The following DENND1A variants were observed in gnomAD, a reference collection of about 807,000 sequenced individuals.
DENND1A encodes the protein DENN domain containing 1A.
In DENND1A, 51 loss-of-function variants were observed where a neutral mutation model predicts 113.7. That is an observed-to-expected ratio of 0.45 (90% CI 0.36 to 0.57). DENND1A has a LOEUF of 0.57. Among genes scored for constraint, DENND1A ranks in the 20% least tolerant of loss-of-function variants. The pLI is 0.00. For missense variants in DENND1A, 1,258 were observed against 1,395.9 expected, an observed-to-expected ratio of 0.90 and a Z score of 1.57; for synonymous variants, 565 against 570.8, an observed-to-expected ratio of 0.99 and a Z score of 0.14.
chr9:123,836,235 G>A (rs1031327935), intron 2 of DENND1A, among the ~76,000 whole-genome samples: 2 of 152,058 alleles, frequency 1.3e-5, no homozygotes, highest in Admixed American at 1.3e-4. Flanking sequence ...GTCTCCAAAG[G>A]TTTCACGACA....
chr9:123,587,388 C>T (rs1212964504), intron 11 of DENND1A, among the ~76,000 whole-genome samples: 1 of 152,150 alleles, frequency 6.6e-6, no homozygotes, highest in Non-Finnish European at 1.5e-5. Context: ...TATTAATCAG[C>T]AGTAACAATT....
At chr9:123,668,585 C>T (rs73580151) in intron 7 of DENND1A, among the ~76,000 whole-genome samples, 5,534 of 152,092 alleles carry the variant, frequency 0.036, 368 homozygotes, top group African/African-American at 0.13. Flanking sequence ...GAATATGGAC[C>T]AAAACTAAAT....
rs189779247 is a variant in DENND1A at position 123,445,932 on chromosome 9, G to A, written c.1356+4761C>T. Among the ~76,000 whole-genome samples the A allele has an allele frequency of 5.3e-4, 80 of 152,296 alleles. No individual in the cohort carries two copies. In the Middle Eastern group the frequency reaches 0.017, roughly 32 times the overall value. On this transcript the variant is annotated intron_variant, in intron 18 of 23. Coordinates refer to ENST00000394215, the MANE Select transcript of DENND1A (RefSeq NM_001352964.2). ...AATTATTCAGTGCCTACTAAGTGTT[G>A]CTGTCTCAACACATTATCTCTTCTA...
intron 13 of DENND1A, among the ~76,000 whole-genome samples, chr9:123,516,107 TACACAC>T (rs199923277): frequency 0.13 from 17,820 of 138,254 alleles, 1,133 homozygotes; most frequent in Admixed American, 0.16. Context: ...TACACACACA[TACACAC>T]ACACACACAC....
rs529269291 is a variant in DENND1A, at chr9:123,901,696, T to C, written c.18-22675A>G. The stretch of plus-strand genomic sequence containing the variant: ...CTTCTAATCTTCTGATGCTACATCT[T>C]GATAATTCTCACTGACACCTGGACT... On this transcript the variant is annotated intron_variant, in intron 1 of 23. Transcript: ENST00000394215. Among the ~76,000 whole-genome samples the C allele has an allele frequency of 2.6e-5, 4 of 152,310 alleles. No homozygotes were observed. In the East Asian group the frequency reaches 7.7e-4, roughly 29 times the overall value.
At chr9:123,515,747 G>C (rs1453395642) in intron 13 of DENND1A, among the ~76,000 whole-genome samples, 2 of 152,048 alleles carry the variant, frequency 1.3e-5, no homozygotes, top group Non-Finnish European at 2.9e-5. Flanking sequence ...AGCAAAAAAA[G>C]TGAGGAGTGG....
rs557712715 is a variant in DENND1A at position 123,719,214 on chromosome 9, G to A, written c.302+38489C>T. Among the ~76,000 whole-genome samples the A allele has an allele frequency of 3.9e-5, 6 of 152,260 alleles. No homozygotes were observed. In the East Asian group the frequency reaches 5.8e-4, roughly 15 times the overall value. ...AAAATAGACTAACACAGTGGTTAAC[G>A]TTATCCCAAGTTTTCGTAGCCCTGT... is the stretch of plus-strand genomic sequence containing the variant. On this transcript the variant is annotated intron_variant, in intron 5 of 23. Coordinates refer to ENST00000394215, the MANE Select transcript of DENND1A (RefSeq NM_001352964.2).
At position 123,652,131 on chromosome 9, in the gene DENND1A, AAAG is replaced by A. The variant is rs2139417843; in HGVS notation, c.508-11_508-9del. ...ATATTCTGTCAGATTTCTCTAGGAGAAAGAAGAAGGCACGGTTTGTGGCTGATT... is the reference window on the plus strand; with the variant it reads ...ATATTCTGTCAGATTTCTCTAGGAGAAAGAAGGCACGGTTTGTGGCTGATT... On this transcript the variant is annotated splice_polypyrimidine_tract_variant and intron_variant, in intron 8 of 23. Coordinates refer to ENST00000394215, the MANE Select transcript of DENND1A (RefSeq NM_001352964.2). 1 of 1,612,616 alleles carries A rather than the reference AAAG, an allele frequency of 6.2e-7. No homozygotes were observed. Among genetic ancestry groups the A allele is most frequent in the Non-Finnish European group, 8.5e-7 (1 of 1,178,678 alleles).
intron 9 of DENND1A, among the ~76,000 whole-genome samples, chr9:123,634,259 T>C (rs2061605911): frequency 6.6e-6 from 1 of 152,226 alleles, no homozygotes; most frequent in Non-Finnish European, 1.5e-5. Context: ...TGTTTGCTCA[T>C]TTCATTAGTG....
intron 2 of DENND1A, among the ~76,000 whole-genome samples, chr9:123,852,307 G>C (rs1196163152): frequency 6.6e-6 from 1 of 152,112 alleles, no homozygotes. Flanking sequence ...CTGATGTAAG[G>C]ATGGCACTTT....
intron 8 of DENND1A, among the ~76,000 whole-genome samples, chr9:123,656,590 T>C (rs868723552): frequency 1.3e-5 from 2 of 152,314 alleles, no homozygotes; most frequent in Middle Eastern, 3.4e-3. Context: ...CTATGCACCA[T>C]ACTAGTCTAC....
intron 19 of DENND1A, among the ~76,000 whole-genome samples, chr9:123,418,778 G>A (rs2044969107): frequency 6.6e-6 from 1 of 152,256 alleles, no homozygotes; most frequent in African/African-American, 2.4e-5. Flanking sequence ...TCACAGATGA[G>A]GGCAAGCAAG....
chr9:123,694,991 G>A (rs1036265979), intron 5 of DENND1A, among the ~76,000 whole-genome samples: 9 of 152,164 alleles, frequency 5.9e-5, no homozygotes, highest in Admixed American at 5.9e-4. Context: ...TAAGCTGCCA[G>A]TGAATATAAA....
intron 2 of DENND1A, among the ~76,000 whole-genome samples, chr9:123,837,252 T>C (rs1369389644): frequency 6.6e-6 from 1 of 152,184 alleles, no homozygotes; most frequent in Non-Finnish European, 1.5e-5. Context: ...ATCCCACCAT[T>C]CCACTACATT....
chr9:123,709,774 A>G (rs1024480070), intron 5 of DENND1A, among the ~76,000 whole-genome samples: 7 of 152,220 alleles, frequency 4.6e-5, no homozygotes, highest in Non-Finnish European at 1.0e-4. Context: ...GCTGCAAAAT[A>G]TATGACAGTT....
intron 1 of DENND1A, among the ~76,000 whole-genome samples, chr9:123,913,119 A>AC (rs1588215109): frequency 6.6e-6 from 1 of 150,790 alleles, no homozygotes; most frequent in Admixed American, 6.6e-5. Context: ...AGTTTAAAAA[A>AC]AAAAAAAAAA....
intron 12 of DENND1A, among the ~76,000 whole-genome samples, chr9:123,562,657 T>G (rs752606500): frequency 4.6e-5 from 7 of 152,198 alleles, no homozygotes; most frequent in African/African-American, 7.2e-5. Context: ...ATTGTTTTGA[T>G]TATCCTTTAT....
chr9:123,914,411 A>C (rs576952345), intron 1 of DENND1A, among the ~76,000 whole-genome samples: 1 of 151,578 alleles, frequency 6.6e-6, no homozygotes, highest in African/African-American at 2.4e-5. Flanking sequence ...CATGGTGGCG[A>C]GCGCCTGTAT....
chr9:123,598,083 CT>C (rs1218441275), intron 11 of DENND1A, among the ~76,000 whole-genome samples: 1 of 152,190 alleles, frequency 6.6e-6, no homozygotes, highest in Non-Finnish European at 1.5e-5. Context: ...CCTTTCAACC[CT>C]TTGATCTTCA....
Sources: gnomAD v4.1 joint callset for allele counts (sites outside exome capture counted in the v4.1 genomes callset) on GRCh38, gnomAD v4.1.1 for gene constraint, MANE v1.5 for transcripts, NCBI Gene and HGNC (gene_info 2026-07-23, HGNC 2026-07-21) for gene names.